CEP112: variants seen among roughly 807,000 people sequenced by gnomAD.
CEP112 encodes centrosomal protein 112.
Under a neutral mutation model 153.0 loss-of-function variants are expected in CEP112, and 127 were observed. That is an observed-to-expected ratio of 0.83 (90% confidence interval 0.72 to 0.96). CEP112 has a LOEUF of 0.96. CEP112 is among the 40% of genes least tolerant of loss of function. The probability of loss-of-function intolerance (pLI) is 0.00; values close to 1 mark genes in which losing one functional copy is unlikely to be tolerated. For synonymous variants in CEP112, 358 were observed against 374.4 expected, an observed-to-expected ratio of 0.96 and a Z score of 0.51; for missense variants, 1,089 against 1,101.2, an observed-to-expected ratio of 0.99 and a Z score of 0.16.
chr17:65,638,526 G>C (rs1231323589), intron 25 of CEP112, among the ~76,000 whole-genome samples: 3 of 152,132 alleles, frequency 2.0e-5, no homozygotes, highest in Non-Finnish European at 4.4e-5. Context: ...ATCTCAAAGT[G>C]GTCCTCCTGG....
intron 23 of CEP112, among the ~76,000 whole-genome samples, chr17:65,699,567 A>G (rs565264964): frequency 3.3e-5 from 5 of 152,092 alleles, no homozygotes; most frequent in Non-Finnish European, 7.4e-5. Context: ...CAGTGTCTAC[A>G]CTGGCACGTT....
At chr17:66,149,868 GTTTTTTTTTTTGTTTGTTTGTTTTTT>G (rs2071095531) in intron 4 of CEP112, among the ~76,000 whole-genome samples, 1 of 79,550 alleles carries the variant, frequency 1.3e-5, no homozygotes, top group Non-Finnish European at 2.5e-5. Context: ...TAAATTTAGG[GTTTTTTTTTTTGTTTGTTTGTTTTTT>G]TTTTTTTTTT....
intron 20 of CEP112, among the ~76,000 whole-genome samples, chr17:65,870,094 GAGAAAATAC>G (rs2058622334): frequency 6.4e-5 from 8 of 125,410 alleles, no homozygotes; most frequent in South Asian, 5.1e-4. Flanking sequence ...AAGAAAGAAA[GAGAAAATAC>G]AAAGAAAAAA....
intron 6 of CEP112, among the ~76,000 whole-genome samples, chr17:66,125,740 G>T (rs1463430681): frequency 1.4e-5 from 2 of 145,664 alleles, no homozygotes; most frequent in Non-Finnish European, 3.0e-5. Context: ...AAGAGGAAAA[G>T]AAAAGAAAAA....
rs2044729948 is a variant in CEP112, at chr17:65,635,552, A to G, written c.*419T>C. 5.5e-6 allele frequency: 1 copy of G among 180,904 alleles called. No individual in the cohort carries two copies. Among genetic ancestry groups the G allele is most frequent in the African/African-American group, 2.3e-5 (1 of 42,708 alleles). The allele number at this position is 180,904 out of a possible 1,614,324, so 11.2% of individuals were successfully genotyped here. ...GAAATAAAACTGGTAAGTACAAAAT[A>G]ATATTTTAATAACATAGGAACATGA... On this transcript the variant is annotated 3_prime_UTR_variant, in exon 27 of 27. Coordinates refer to ENST00000535342, the MANE Select transcript of CEP112 (RefSeq NM_001199165.4).
intron 24 of CEP112, among the ~76,000 whole-genome samples, chr17:65,663,932 G>C (rs939091683): frequency 3.3e-5 from 5 of 152,206 alleles, no homozygotes; most frequent in Non-Finnish European, 7.3e-5. Flanking sequence ...TGTAGTCCCA[G>C]CTACTCGGCA....
At chr17:66,027,158 C>G (rs1311662016) in intron 16 of CEP112, among the ~76,000 whole-genome samples, 1 of 152,206 alleles carries the variant, frequency 6.6e-6, no homozygotes, top group Non-Finnish European at 1.5e-5. Flanking sequence ...GGGCGGATCA[C>G]TTGAGGCCAG....
chr17:66,126,909 G>C (rs1283611950), intron 6 of CEP112, among the ~76,000 whole-genome samples: 1 of 152,116 alleles, frequency 6.6e-6, no homozygotes, highest in Admixed American at 6.5e-5. Flanking sequence ...GGATCACTCA[G>C]AGGAAGAAAG....
intron 17 of CEP112, among the ~76,000 whole-genome samples, chr17:65,969,303 T>G (rs974282868): frequency 3.0e-4 from 45 of 152,142 alleles, no homozygotes; most frequent in African/African-American, 1.1e-3. Context: ...CAGGCTGATC[T>G]AGGAAAACAT....
chr17:65,993,676 T>C (rs2063678060), intron 17 of CEP112, among the ~76,000 whole-genome samples: 1 of 152,108 alleles, frequency 6.6e-6, no homozygotes, highest in South Asian at 2.1e-4. Context: ...ATGTAAAAAC[T>C]ACAATGATAC....
chr17:66,189,346 C>T (rs1406038022), intron 1 of CEP112, among the ~76,000 whole-genome samples: 3 of 151,266 alleles, frequency 2.0e-5, no homozygotes, highest in African/African-American at 7.3e-5. Flanking sequence ...ACTAAAAATA[C>T]CAAAAAAATT....
Position 65,847,560 on chromosome 17 carries a change from T to C in CEP112, c.2394+4244A>G, listed in dbSNP as rs527668858. ...ATGCTTGACTTCCTTCCTCCATTGG[T>C]GAAGGTCATGCCTCCTGTCACTCAT... On this transcript the variant is annotated intron_variant, in intron 21 of 26. Transcript: ENST00000535342. Among the ~76,000 whole-genome samples the C allele has an allele frequency of 6.0e-4, 92 of 152,268 alleles. 1 individual carries two copies. Among genetic ancestry groups the C allele is most frequent in the African/African-American group, 2.2e-3 (90 of 41,562 alleles).
chr17:66,177,097 A>G (rs1431601297), intron 2 of CEP112, 77 bp from the exon 3 acceptor site: 2 of 1,171,252 alleles, frequency 1.7e-6, no homozygotes, highest in African/African-American at 3.1e-5. Context: ...CTATAATAGC[A>G]CCTGCTTTAG....
chr17:65,687,933 T>C (rs1446964075), intron 24 of CEP112, among the ~76,000 whole-genome samples: 1 of 152,208 alleles, frequency 6.6e-6, no homozygotes, highest in Non-Finnish European at 1.5e-5. Flanking sequence ...AATGGATTGG[T>C]GGCACTTAGA....
intron 21 of CEP112, among the ~76,000 whole-genome samples, chr17:65,765,717 C>T (rs79796995): frequency 0.013 from 1,983 of 152,192 alleles, 47 homozygotes; most frequent in African/African-American, 0.045. Flanking sequence ...TAGCCTATGG[C>T]ACTGAGGTAC....
chr17:66,058,625 G>A (rs1307563647), intron 11 of CEP112, among the ~76,000 whole-genome samples: 1 of 152,124 alleles, frequency 6.6e-6, no homozygotes, highest in Non-Finnish European at 1.5e-5. Flanking sequence ...TGAGGCAGGA[G>A]GATCGCTTGA....
chr17:66,034,548 T>C (rs949451601), intron 12 of CEP112, among the ~76,000 whole-genome samples: 1 of 150,480 alleles, frequency 6.6e-6, no homozygotes, highest in Admixed American at 6.7e-5. Flanking sequence ...AGAAAAAGGG[T>C]TTCTGTTAGC....
chr17:66,007,870 GT>G (rs1479821162), intron 16 of CEP112, among the ~76,000 whole-genome samples: 7 of 152,122 alleles, frequency 4.6e-5, no homozygotes, highest in Admixed American at 1.3e-4. Flanking sequence ...TCTCTCGCAA[GT>G]TGAATTTGGC....
chr17:65,927,323 T>C (rs1286537355), intron 19 of CEP112, among the ~76,000 whole-genome samples: 2 of 152,186 alleles, frequency 1.3e-5, no homozygotes, highest in African/African-American at 4.8e-5. Context: ...TCTTTTCTTA[T>C]AAACTACCCA....
Sources: allele counts gnomAD v4.1 joint callset (sites outside exome capture counted in the v4.1 genomes callset), GRCh38; gene constraint gnomAD v4.1.1; transcripts MANE v1.5; gene names NCBI Gene and HGNC (gene_info 2026-07-23, HGNC 2026-07-21).